The following COL3A1 variants were observed in gnomAD, a reference collection of about 807,000 sequenced individuals.
The protein encoded by COL3A1 is collagen type III alpha 1 chain, also known as collagen alpha-1(III) chain.
COL3A1 carries 46 observed loss-of-function variants against 200.9 expected under a neutral mutation model. That is an observed-to-expected ratio of 0.23 (90% CI 0.18 to 0.29). The LOEUF (loss-of-function observed/expected upper bound fraction) is 0.29. COL3A1 is among the 10% of genes least tolerant of loss of function. The pLI, the probability that COL3A1 is intolerant of heterozygous loss-of-function variation, is 1.00. For missense variants in COL3A1, 1,367 were observed against 1,917.6 expected (o/e 0.71, Z 5.36); for synonymous variants, 650 against 628.0 (o/e 1.03, Z -0.52).
intron 33 of COL3A1, 24 bp downstream of exon 33, chr2:189,001,474 A>T (rs1436449587): frequency 1.9e-6 from 3 of 1,614,090 alleles, no homozygotes; most frequent in Non-Finnish European, 2.5e-6. Context: ...CTACCTGGAT[A>T]TAAAAAGAAA....
intron 7 of COL3A1, 77 bp downstream of exon 7, chr2:188,988,720 TAGGTCTTTAC>T: frequency 1.0e-6 from 1 of 985,928 alleles, no homozygotes; most frequent in Non-Finnish European, 1.6e-6. Context: ...AAAACAAGTA[TAGGTCTTTAC>T]AGAATGAAGA....
rs889877870 is a variant in COL3A1 at position 189,008,057 on chromosome 2, C to T, written c.3440C>T (p.Pro1147Leu). The change falls in exon 47 of 51, where the codon CCT becomes CTT. Residue 1147 changes from proline (P) to leucine (L), a missense_variant. Physicochemically the swap from Pro to Leu is moderately conservative, Grantham distance 98. This residue lies in a region of COL3A1 where 846 missense variants were observed against 1,147.9 expected (regional missense o/e 0.74). Coordinates refer to ENST00000304636, the MANE Select transcript of COL3A1 (RefSeq NM_000090.4). ...GPRGPVGPSG[P>L]PGKDGTSGHP... ...TAGGGACCTGTTGGACCCAGTGGAC[C>T]TCCTGGCAAAGATGGAACCAGTGGA... 3.7e-6 allele frequency: 6 copies of T among 1,614,078 alleles called. No homozygotes were observed. The highest frequency in any genetic ancestry group is 1.7e-4 in the Middle Eastern group (1 of 6,056).
At chr2:188,992,136 C>T in intron 13 of COL3A1, 48 bp from the exon 14 acceptor site, 1 of 1,592,284 alleles carries the variant, frequency 6.3e-7, no homozygotes, top group Non-Finnish European at 8.6e-7. Flanking sequence ...TACTCATGAC[C>T]AGCCATTCAG....
chr2:189,003,094 T>C (rs1258160705), intron 36 of COL3A1, 32 bp downstream of exon 36: 1 of 1,434,404 alleles, frequency 7.0e-7, no homozygotes, highest in East Asian at 2.5e-5. Context: ...TGTCTATCTA[T>C]CTATCATCTA....
intron 22 of COL3A1, 66 bp from the exon 23 acceptor site, chr2:188,996,059 T>C: frequency 7.1e-7 from 1 of 1,399,550 alleles, no homozygotes; most frequent in South Asian, 1.2e-5. Context: ...ATCATACAAA[T>C]AGTGTATGTA....
chr2:188,974,675 C>A (rs1340954727), intron 1 of COL3A1, 107 bp downstream of exon 1: 2 of 851,088 alleles, frequency 2.3e-6, no homozygotes, highest in Non-Finnish European at 4.0e-6. Context: ...AGATAATTTC[C>A]TCTATAAGCT....
At chr2:188,984,612 G>A (rs1415069977) in intron 1 of COL3A1, 148 bp from the exon 2 acceptor site, 2 of 704,428 alleles carry the variant, frequency 2.8e-6, no homozygotes, top group East Asian at 2.7e-5. Flanking sequence ...AAATTACATA[G>A]GGCAAGTATA....
At position 188,997,189 on chromosome 2, in the gene COL3A1, C is replaced by A; in HGVS notation, c.1786C>A (p.Arg596=). ...GGGTGCTCCTGGTAAGAATGGAGAA[C>A]GAGGTGGCCCTGGAGGACCTGGCCC... The part of the protein sequence containing the change: ...NDGAPGKNGE[R]GGPGGPGPQG... Residue 596 remains arginine, a synonymous_variant, in exon 25 of 51, where the codon CGA becomes AGA. Transcript: ENST00000304636. 1 of 1,613,952 alleles carries A rather than the reference C, an allele frequency of 6.2e-7. No homozygotes were observed. Among genetic ancestry groups the A allele is most frequent in the Non-Finnish European group, 8.5e-7 (1 of 1,179,996 alleles).
At position 188,999,544 on chromosome 2, in the gene COL3A1, A is replaced by C; in HGVS notation, c.2196A>C (p.Gly732=). The C allele has an allele frequency of 1.2e-6, 2 of 1,613,754 alleles. No homozygotes were observed. The highest frequency in any genetic ancestry group is 1.1e-5 in the South Asian group (1 of 91,070). ...TGCAAGGAATGCCTGGAGAAAGAGGAGGTCTTGGAAGTCCTGGTCCAAAGG... is the reference window on the plus strand; with the variant it reads ...TGCAAGGAATGCCTGGAGAAAGAGGCGGTCTTGGAAGTCCTGGTCCAAAGG... The part of the protein sequence containing the change: ...PGLQGMPGER[G]GLGSPGPKGD... Residue 732 remains glycine, a synonymous_variant, in exon 31 of 51, where the codon GGA becomes GGC. Coordinates refer to ENST00000304636, the MANE Select transcript of COL3A1 (RefSeq NM_000090.4).
At chr2:189,009,305 A>G in intron 48 of COL3A1, 84 bp downstream of exon 48, 7 of 1,501,870 alleles carry the variant, frequency 4.7e-6, no homozygotes, top group South Asian at 4.6e-5. Context: ...AAAAACATCT[A>G]CTTTCAATGG....
rs1472837228 is a variant in COL3A1 at position 188,989,455 on chromosome 2, T to A, written c.690+6T>A. 6.2e-7 allele frequency: 1 copy of A among 1,603,022 alleles called. No individual in the cohort carries two copies. The highest frequency in any genetic ancestry group is 1.3e-5 in the African/African-American group (1 of 74,616). On this transcript the variant is annotated splice_donor_region_variant and intron_variant, in intron 8 of 50. Coordinates refer to ENST00000304636, the MANE Select transcript of COL3A1 (RefSeq NM_000090.4). ...CTGGTCCTGCTGGAAAAGATGTAAG[T>A]TTTTAAAACTTAAATAAGAATACAG...
At position 188,999,489 on chromosome 2, in the gene COL3A1, G is replaced by A. The variant is rs587779678; in HGVS notation, c.2141G>A (p.Gly714Glu). 1 of 1,614,002 alleles carries A rather than the reference G, an allele frequency of 6.2e-7. No individual in the cohort carries two copies. The highest frequency in any genetic ancestry group is 8.5e-7 in the Non-Finnish European group (1 of 1,179,994). Residue 714 changes from glycine to glutamate, a missense_variant, in exon 31 of 51, where the codon GGG (glycine) becomes GAG (glutamate). Physicochemically the swap from Gly to Glu is moderately conservative, Grantham distance 98. Around this residue, in one of 5 missense-constraint regions of COL3A1, gnomAD observed 846 missense variants for 1,147.9 expected, o/e 0.74. Coordinates refer to ENST00000304636, the MANE Select transcript of COL3A1 (RefSeq NM_000090.4). The part of the protein sequence containing the change: ...EGGKGAAGPP[G>E]PPGAAGTPGL... ...TTTCAGGGTGCTGCTGGTCCTCCTGGGCCACCTGGTGCTGCTGGTACTCCT... is the reference window on the plus strand; with the variant it reads ...TTTCAGGGTGCTGCTGGTCCTCCTGAGCCACCTGGTGCTGCTGGTACTCCT...
chr2:188,996,600 T>C, intron 24 of COL3A1, 104 bp downstream of exon 24: 1 of 907,180 alleles, frequency 1.1e-6, no homozygotes, highest in Non-Finnish European at 1.7e-6. Context: ...CTTCAAAGCA[T>C]GGAGGAGTAT....
rs1688191890 is a variant in COL3A1 at position 188,991,639 on chromosome 2, G to T, written c.898-30G>T. The T allele has an allele frequency of 3.1e-6, 5 of 1,613,618 alleles. No homozygotes were observed. The Admixed American group carries it at 8.3e-5, about 27-fold the overall frequency. ...TGTTCTTACACATGTCAAGATTAGAGTAAAACCATATTTCAATTTTACTCT... is the reference window on the plus strand; with the variant it reads ...TGTTCTTACACATGTCAAGATTAGATTAAAACCATATTTCAATTTTACTCT... On this transcript the variant is annotated intron_variant, in intron 12 of 50. Transcript: ENST00000304636.
At position 189,004,125 on chromosome 2, in the gene COL3A1, T is replaced by C. The variant is rs111567071; in HGVS notation, c.2805T>C (p.Pro935=). The C allele has an allele frequency of 8.0e-5, 129 of 1,613,880 alleles. No individual in the cohort carries two copies. The highest frequency in any genetic ancestry group is 1.1e-5 in the Non-Finnish European group (13 of 1,180,018). ...GCCAACCAGGAGAGAAGGGATCGCCTGGTGCCCAGGGCCCACCAGTAAGTA... is the reference window on the plus strand; with the variant it reads ...GCCAACCAGGAGAGAAGGGATCGCCCGGTGCCCAGGGCCCACCAGTAAGTA... ...DAGQPGEKGS[P]GAQGPPGAPG... Residue 935 remains proline, a synonymous_variant, in exon 39 of 51, where the codon CCT becomes CCC. Transcript: ENST00000304636.
intron 23 of COL3A1, 27 bp from the exon 24 acceptor site, chr2:188,996,370 CT>C: frequency 6.4e-7 from 1 of 1,567,154 alleles, no homozygotes; most frequent in Non-Finnish European, 8.8e-7. Flanking sequence ...TTTATCAAAC[CT>C]TTATTAATGT....
rs1205300814 is a variant in COL3A1 at position 188,999,684 on chromosome 2, T to A, written c.2229+107T>A. ...GACTGTATTTTCAAAATTAATGTTA[T>A]CATTTTATAGTAAGTGAAATTTAAG... On this transcript the variant is annotated intron_variant, in intron 31 of 50. Coordinates refer to ENST00000304636, the MANE Select transcript of COL3A1 (RefSeq NM_000090.4). The A allele has an allele frequency of 2.8e-6, 4 of 1,407,300 alleles. No homozygotes were observed. In the African/African-American group the frequency reaches 4.3e-5, roughly 15 times the overall value. The allele number at this position is 1,407,300 out of a possible 1,614,324, so 87.2% of individuals were successfully genotyped here.
At chr2:189,011,570 C>T in intron 50 of COL3A1, 58 bp from the exon 51 acceptor site, 1 of 1,604,816 alleles carries the variant, frequency 6.2e-7, no homozygotes, top group Admixed American at 1.7e-5. Context: ...CTTGTTAAGT[C>T]AGAGTTGTCT....
chr2:188,995,650 G>T, intron 21 of COL3A1, 42 bp from the exon 22 acceptor site: 1 of 1,379,274 alleles, frequency 7.3e-7, no homozygotes, highest in South Asian at 1.2e-5. Flanking sequence ...CTAGGTTAGT[G>T]AAGGCTATTT....
Sources: gnomAD v4.1 joint callset for allele counts on GRCh38, gnomAD v4.1.1 for gene constraint, gnomAD v4.1.1 regional missense constraint, MANE v1.5 for transcripts, NCBI Gene and HGNC (gene_info 2026-07-23, HGNC 2026-07-21) for gene names.